NOTCH4: variants seen among roughly 807,000 people sequenced by gnomAD.
The protein encoded by NOTCH4 is notch receptor 4.
Under a neutral mutation model 189.0 loss-of-function variants are expected in NOTCH4, and 138 were observed. The ratio of observed to expected loss-of-function variants is 0.73; its 90% CI spans 0.64 to 0.84. NOTCH4 has a LOEUF of 0.84. Among genes scored for constraint, NOTCH4 ranks in the 40% least tolerant of loss-of-function variants. NOTCH4 has a pLI of 0.00. For missense variants in NOTCH4, 2,286 were observed against 2,605.4 expected (o/e 0.88, Z 2.67); for synonymous variants, 942 against 1,032.8 (o/e 0.91, Z 1.69).
chr6:32,213,308 C>CTGAGGT, intron 14 of NOTCH4, 56 bp from the exon 15 acceptor site: 8 of 1,210,126 alleles, frequency 6.6e-6, no homozygotes, highest in Non-Finnish European at 8.6e-6. Context: ...TGGCCTGTGA[C>CTGAGGT]CTCAGTCACA....
In NOTCH4 at chr6:32,220,543, A is replaced by G. The variant is rs2127487579; in HGVS notation, c.1021T>C (p.Cys341Arg). ...TCQNSAGSFH[C>R]VCVSGWGGTS... ...CCGCCCCAGCCACTCACACACACGC[A>G]GTGAAAGCTACCAGCAGAGTTCTGG... The change falls in exon 6 of 30, where the codon TGC becomes CGC. Residue 341 changes from cysteine (C) to arginine (R), a missense_variant. Cys to Arg is a radical substitution (Grantham distance 180). Coordinates refer to ENST00000375023, the MANE Select transcript of NOTCH4 (RefSeq NM_004557.4). 6.2e-7 allele frequency: 1 copy of G among 1,613,790 alleles called. No homozygotes were observed. Among genetic ancestry groups the G allele is most frequent in the South Asian group, 1.1e-5 (1 of 91,086 alleles).
At position 32,220,416 on chromosome 6, in the gene NOTCH4, G is replaced by A. The variant is rs2127487054; in HGVS notation, c.1148C>T (p.Pro383Leu). 1.2e-6 allele frequency: 2 copies of A among 1,614,106 alleles called. No homozygotes were observed. Among genetic ancestry groups the A allele is most frequent in the Non-Finnish European group, 1.7e-6 (2 of 1,179,972 alleles). The change falls in exon 6 of 30, where the codon CCT (proline) becomes CTT (leucine). Residue 383 changes from proline to leucine, a missense_variant. By Grantham distance (98) the Pro-to-Leu change is moderately conservative (BLOSUM62 -3). Coordinates refer to ENST00000375023, the MANE Select transcript of NOTCH4 (RefSeq NM_004557.4). The stretch of plus-strand genomic sequence containing the variant: ...CTCTACCCCCATACCTGTGCGTCCA[G>A]GTGGGCAGAGGCAGGAGAAAGAGCC... ...RVGSFSCLCPPGRTGLLCHLE... is the reference protein window; with the variant it reads ...RVGSFSCLCPLGRTGLLCHLE...
In NOTCH4 at chr6:32,212,946, A is replaced by C; in HGVS notation, c.2439-35T>G. 6.5e-7 allele frequency: 1 copy of C among 1,537,974 alleles called. No homozygotes were observed. Among genetic ancestry groups the C allele is most frequent in the Non-Finnish European group, 8.8e-7 (1 of 1,130,910 alleles). ...ACAGAGACAGGGCATGATAGGAAGAAGTTCGGGCAACAAGGGGAAGGTAGT... is the reference window on the plus strand; with the variant it reads ...ACAGAGACAGGGCATGATAGGAAGACGTTCGGGCAACAAGGGGAAGGTAGT... On this transcript the variant is annotated intron_variant, in intron 15 of 29. Transcript: ENST00000375023. This position sits in a 1 kb window ranked among gnomAD's most constrained non-coding sequence, Gnocchi z 4.4.
At position 32,204,390 on chromosome 6, in the gene NOTCH4, C is replaced by A; in HGVS notation, c.2866-1G>T. 1 of 1,612,586 alleles carries A rather than the reference C, an allele frequency of 6.2e-7. No homozygotes were observed. Among genetic ancestry groups the A allele is most frequent in the Non-Finnish European group, 8.5e-7 (1 of 1,179,640 alleles). ...TCTGTCCATCGTAGCCTGGGGCACA[C>A]TGCAGACAAAGAGGATTAGACAGGG... On this transcript the variant is annotated splice_acceptor_variant, in intron 18 of 29. Transcript: ENST00000375023. LOFTEE classifies it high-confidence loss of function.
Position 32,215,146 on chromosome 6 carries a change from A to G in NOTCH4, c.2021+80T>C, listed in dbSNP as rs909646817. 6.1e-6 allele frequency: 8 copies of G among 1,301,722 alleles called. No individual in the cohort carries two copies. The African/African-American group carries it at 8.9e-5, about 14-fold the overall frequency. The allele number at this position is 1,301,722 out of a possible 1,614,324, so 80.6% of individuals were successfully genotyped here. On this transcript the variant is annotated intron_variant, in intron 12 of 29. Coordinates refer to ENST00000375023, the MANE Select transcript of NOTCH4 (RefSeq NM_004557.4). Reference sequence around the variant, plus strand: ...CATTGGTCATTTCTCACAGACCTACATCTCACTGGCTGTCTTCTCCTGTCC... The same window carrying G: ...CATTGGTCATTTCTCACAGACCTACGTCTCACTGGCTGTCTTCTCCTGTCC...
rs1415247187 is a variant in NOTCH4 at position 32,195,688 on chromosome 6, G to T, written c.5761C>A (p.Arg1921Ser). ...ATCGCAGGGTTGGGCCGAGGCCCGC[G>T]CATGCCTGCAGAAAACCTACGGCCG... ...PRGRRFSAGM[R>S]GPRPNPAIMR... Residue 1921 changes from arginine to serine, a missense_variant, in exon 30 of 30, where the codon CGC becomes AGC. Arg to Ser is a moderately radical substitution (Grantham distance 110). This residue lies in a region of NOTCH4 where 383 missense variants were observed against 343.5 expected (regional missense o/e 1.11). Transcript: ENST00000375023. This position sits in a 1 kb window ranked among gnomAD's most constrained non-coding sequence, Gnocchi z 5.4. 2 of 1,612,816 alleles carry T rather than the reference G, an allele frequency of 1.2e-6. No individual in the cohort carries two copies. Among genetic ancestry groups the T allele is most frequent in the Non-Finnish European group, 1.7e-6 (2 of 1,179,984 alleles).
rs61729676 is a variant in NOTCH4 at position 32,202,194 on chromosome 6, C to G, written c.3637G>C (p.Gly1213Arg). Residue 1213 changes from glycine to arginine, a missense_variant, in exon 21 of 30, where the codon GGC becomes CGC. By Grantham distance (125) the Gly-to-Arg change is moderately radical. Coordinates refer to ENST00000375023, the MANE Select transcript of NOTCH4 (RefSeq NM_004557.4). The surrounding 1 kb of genome is among the most constrained non-coding windows in gnomAD (Gnocchi z 5.7). Reference sequence around the variant, plus strand: ...CAGCACCGAGAGTGGGAGGGGCAGCCCTTCCAGGGGTCTGGGACTCCCAGA... The same window carrying G: ...CAGCACCGAGAGTGGGAGGGGCAGCGCTTCCAGGGGTCTGGGACTCCCAGA... ...CSLGVPDPWKGCPSHSRCWLL... is the reference protein window; with the variant it reads ...CSLGVPDPWKRCPSHSRCWLL... 8.7e-4 allele frequency: 1,324 copies of G among 1,529,296 alleles called. 11 individuals carry two copies. The African/African-American group carries it at 0.016, about 18-fold the overall frequency. 94.7% of individuals were successfully genotyped at this position (1,529,296 alleles called of 1,614,324 possible).
chr6:32,214,549 C>T (rs887946462), intron 12 of NOTCH4, among the ~76,000 whole-genome samples: 46 of 150,514 alleles, frequency 3.1e-4, no homozygotes, highest in Admixed American at 1.3e-3. Flanking sequence ...GAAAGCTCTA[C>T]GAGAGCAGTT....
chr6:32,201,391 C>T lies in NOTCH4; in HGVS notation c.3865G>A (p.Gly1289Arg). 6.3e-7 allele frequency: 1 copy of T among 1,583,466 alleles called. No individual in the cohort carries two copies. Among genetic ancestry groups the T allele is most frequent in the Non-Finnish European group, 8.6e-7 (1 of 1,165,442 alleles). Residue 1289 changes from glycine to arginine, a missense_variant, in exon 22 of 30, where the codon GGG (glycine) becomes AGG (arginine). Physicochemically the swap from Gly to Arg is moderately radical, Grantham distance 125 (BLOSUM62 -2). This residue lies in a region of NOTCH4 where 1,903 missense variants were observed against 2,261.9 expected (regional missense o/e 0.84). Coordinates refer to ENST00000375023, the MANE Select transcript of NOTCH4 (RefSeq NM_004557.4). This position sits in a 1 kb window ranked among gnomAD's most constrained non-coding sequence, Gnocchi z 5.5. ...AGGGAGGGCCCCCACTCTGGGTCCC[C>T]ATCTTCAGGCCTGCAGTCACCTCCA... Reference protein sequence around the residue: ...WDGGDCRPEDGDPEWGPSLAL... With the variant: ...WDGGDCRPEDRDPEWGPSLAL...
In NOTCH4 at chr6:32,202,559, C is replaced by A; in HGVS notation, c.3272G>T (p.Cys1091Phe). The A allele has an allele frequency of 6.2e-7, 1 of 1,601,948 alleles. No individual in the cohort carries two copies. Among genetic ancestry groups the A allele is most frequent in the Non-Finnish European group, 8.5e-7 (1 of 1,171,348 alleles). ...TCCGTGGTGGCAGTGATGGAAGCCG[C>A]AGGAAGGGGCCCTGTGGCTGCAGGT... The part of the protein sequence containing the change: ...GPTCSHRAPS[C>F]GFHHCHHGGL... Residue 1091 changes from cysteine (C) to phenylalanine (F), a missense_variant, in exon 21 of 30, where the codon TGC (cysteine) becomes TTC (phenylalanine). This residue lies in a region of NOTCH4 where 1,903 missense variants were observed against 2,261.9 expected (regional missense o/e 0.84). Coordinates refer to ENST00000375023, the MANE Select transcript of NOTCH4 (RefSeq NM_004557.4). This position sits in a 1 kb window ranked among gnomAD's most constrained non-coding sequence, Gnocchi z 5.7.
rs779851987 is a variant in NOTCH4 at position 32,201,137 on chromosome 6, C to G, written c.4119G>C (p.Glu1373Asp). The G allele has an allele frequency of 6.2e-7, 1 of 1,611,348 alleles. No homozygotes were observed. Among genetic ancestry groups the G allele is most frequent in the African/African-American group, 1.3e-5 (1 of 74,892 alleles). ...CTTACCCAGCACTGAGGGAGTCGGT[C>G]TCCTTGCCCAGGGGCTGCGTTTGAG... ...AAPQTQPLGK[E>D]TDSLSAGFVV... The change falls in exon 22 of 30, where the codon GAG (glutamate) becomes GAC (aspartate). Residue 1373 changes from glutamate to aspartate, a missense_variant. Coordinates refer to ENST00000375023, the MANE Select transcript of NOTCH4 (RefSeq NM_004557.4). The surrounding 1 kb of genome is among the most constrained non-coding windows in gnomAD (Gnocchi z 5.5).
At chr6:32,205,021 T>C (rs562125314) in intron 18 of NOTCH4, among the ~76,000 whole-genome samples, 2 of 152,330 alleles carry the variant, frequency 1.3e-5, no homozygotes, top group East Asian at 3.9e-4. Context: ...TCCAAACCAA[T>C]GCTCTTAACC....
intron 18 of NOTCH4, among the ~76,000 whole-genome samples, chr6:32,208,450 G>A (rs930354591): frequency 2.0e-5 from 3 of 152,196 alleles, no homozygotes; most frequent in African/African-American, 7.2e-5. Context: ...GAAAACACAA[G>A]GGCCAAGTGT....
At chr6:32,223,217 T>G in intron 1 of NOTCH4, 131 bp from the exon 2 acceptor site, 2 of 724,640 alleles carry the variant, frequency 2.8e-6, no homozygotes, top group Non-Finnish European at 5.0e-6. Context: ...TCTTCACATC[T>G]GTCCCCACTC....
rs1431915286 is a variant in NOTCH4 at position 32,196,040 on chromosome 6, C to T, written c.5409G>A (p.Pro1803=). The T allele has an allele frequency of 1.9e-6, 3 of 1,594,868 alleles. No individual in the cohort carries two copies. Among genetic ancestry groups the T allele is most frequent in the Admixed American group, 3.4e-5 (2 of 59,186 alleles). Reference sequence around the variant, plus strand: ...GGTTACGTTGGTGAGCGACGTCCGCCGGCGCTAGCCCAGCCTGGTCCCGCA... The same window carrying T: ...GGTTACGTTGGTGAGCGACGTCCGCTGGCGCTAGCCCAGCCTGGTCCCGCA... ...RELRDQAGLA[P]ADVAHQRNHW... is the part of the protein sequence containing the mutation. Residue 1803 remains proline, a synonymous_variant, in exon 30 of 30, where the codon CCG becomes CCA. Coordinates refer to ENST00000375023, the MANE Select transcript of NOTCH4 (RefSeq NM_004557.4).
At chr6:32,197,816 TC>T (rs1788048493) in intron 26 of NOTCH4, among the ~76,000 whole-genome samples, 1 of 135,186 alleles carries the variant, frequency 7.4e-6, no homozygotes, top group Non-Finnish European at 1.6e-5. Context: ...GCAGTGGTTT[TC>T]TCTTTTTTTT....
At position 32,223,012 on chromosome 6, in the gene NOTCH4, T is replaced by C; in HGVS notation, c.148A>G (p.Thr50Ala). The C allele has an allele frequency of 6.2e-7, 1 of 1,612,664 alleles. No individual in the cohort carries two copies. The highest frequency in any genetic ancestry group is 8.5e-7 in the Non-Finnish European group (1 of 1,179,438). Residue 50 changes from threonine to alanine, a missense_variant, in exon 2 of 30, where the codon ACC (threonine) becomes GCC (alanine). Around this residue, in one of 2 missense-constraint regions of NOTCH4, gnomAD observed 1,903 missense variants for 2,261.9 expected, o/e 0.84. Transcript: ENST00000375023. ...TCLSLSLGQG[T>A]CQCAPGFLGE... ...CCTGCAAGGCACACTCACTGGCAGGTCCCTTGTCCCAGAGACAGGCTCAGG... is the reference window on the plus strand; with the variant it reads ...CCTGCAAGGCACACTCACTGGCAGGCCCCTTGTCCCAGAGACAGGCTCAGG...
At chr6:32,220,085 C>T (rs764687161) in intron 7 of NOTCH4, 44 bp downstream of exon 7, 12 of 1,596,212 alleles carry the variant, frequency 7.5e-6, no homozygotes, top group Non-Finnish European at 9.4e-6. Context: ...AGTGCAGAGG[C>T]CTGTCTGAGG....
At position 32,212,793 on chromosome 6, in the gene NOTCH4, C is replaced by A; in HGVS notation, c.2526+31G>T. 12 of 1,494,928 alleles carry A rather than the reference C, an allele frequency of 8.0e-6. No individual in the cohort carries two copies. Among genetic ancestry groups the A allele is most frequent in the Non-Finnish European group, 1.1e-5 (12 of 1,117,392 alleles). 92.6% of individuals were successfully genotyped at this position (1,494,928 alleles called of 1,614,324 possible). A position where few individuals can be genotyped will look rare whatever the true frequency, so the allele number is the denominator to read the frequency against. ...TGGTTTCCCTCCCAGCCACTTCCCTCCTCAGCACGCCTGACTTCAATGGCC... is the reference window on the plus strand; with the variant it reads ...TGGTTTCCCTCCCAGCCACTTCCCTACTCAGCACGCCTGACTTCAATGGCC... On this transcript the variant is annotated intron_variant, in intron 16 of 29. Coordinates refer to ENST00000375023, the MANE Select transcript of NOTCH4 (RefSeq NM_004557.4). This position sits in a 1 kb window ranked among gnomAD's most constrained non-coding sequence, Gnocchi z 4.4.
Sources: gnomAD v4.1 joint callset for allele counts (sites outside exome capture counted in the v4.1 genomes callset) on GRCh38, gnomAD v4.1.1 for gene constraint, gnomAD v4.1.1 regional missense constraint, Gnocchi (gnomAD v3.1) non-coding constraint, MANE v1.5 for transcripts, NCBI Gene and HGNC (gene_info 2026-07-23, HGNC 2026-07-21) for gene names.